The following NAALADL2 variants were observed in gnomAD, a reference collection of about 807,000 sequenced individuals.
NAALADL2 encodes N-acetylated alpha-linked acidic dipeptidase like 2.
A neutral mutation model predicts 87.2 loss-of-function variants in NAALADL2; 76 were observed. The observed-to-expected ratio is 0.87, with a 90% confidence interval of 0.72 to 1.05. The LOEUF is 1.05. NAALADL2 is among the 50% of genes least tolerant of loss of function. The pLI is 0.00. For synonymous variants in NAALADL2, 354 were observed against 331.0 expected (o/e 1.07, Z -0.75); for missense variants, 1,089 against 945.8 (o/e 1.15, Z -1.99).
chr3:174,739,927 A>T (rs1280881512), intron 3 of NAALADL2, among the ~76,000 whole-genome samples: 1 of 152,086 alleles, frequency 6.6e-6, no homozygotes, highest in Non-Finnish European at 1.5e-5. Context: ...AACAATAAAC[A>T]TATAAATGAA....
intron 1 of NAALADL2, among the ~76,000 whole-genome samples, chr3:175,063,837 G>T (rs7623483): frequency 6.6e-6 from 1 of 152,076 alleles, no homozygotes; most frequent in East Asian, 1.9e-4. Flanking sequence ...TTAAAATAAC[G>T]CTTAAAAATT....
At chr3:175,601,555 CA>C (rs555648245) in intron 10 of NAALADL2, among the ~76,000 whole-genome samples, 163 of 152,122 alleles carry the variant, frequency 1.1e-3, no homozygotes, top group African/African-American at 3.8e-3. Flanking sequence ...TGTCAGAATC[CA>C]GCATTTTAGA....
At chr3:174,873,674 C>A (rs1728138525) in intron 1 of NAALADL2, among the ~76,000 whole-genome samples, 1 of 152,050 alleles carries the variant, frequency 6.6e-6, no homozygotes, top group Admixed American at 6.6e-5. Context: ...TTGAATTTTA[C>A]ATTTTGAGTC....
intron 2 of NAALADL2, among the ~76,000 whole-genome samples, chr3:175,132,689 C>T (rs575472859): frequency 6.7e-5 from 9 of 135,128 alleles, no homozygotes; most frequent in Admixed American, 1.4e-4. Flanking sequence ...CCGGACGGGG[C>T]AGCTGGCTGG....
At chr3:174,965,684 G>A (rs974974616) in intron 1 of NAALADL2, among the ~76,000 whole-genome samples, 1 of 152,100 alleles carries the variant, frequency 6.6e-6, no homozygotes, top group Non-Finnish European at 1.5e-5. Context: ...GGTCCTCAAG[G>A]AGGCTTGGTA....
intron 1 of NAALADL2, among the ~76,000 whole-genome samples, chr3:174,935,482 C>T (rs1737556012): frequency 6.6e-6 from 1 of 152,028 alleles, no homozygotes; most frequent in Non-Finnish European, 1.5e-5. Flanking sequence ...ACGTCTTTTG[C>T]CTTATCAGTC....
chr3:175,193,860 GA>G (rs1738579433), intron 2 of NAALADL2, among the ~76,000 whole-genome samples: 1 of 151,878 alleles, frequency 6.6e-6, no homozygotes, highest in South Asian at 2.1e-4. Context: ...ACAAAAGATA[GA>G]AAAAATATGT....
intron 9 of NAALADL2, among the ~76,000 whole-genome samples, chr3:175,529,284 T>C (rs2149440102): frequency 6.6e-6 from 1 of 152,292 alleles, no homozygotes; most frequent in Non-Finnish European, 1.5e-5. Context: ...GCCCAAAGTG[T>C]CCAGATGGCA....
At chr3:174,707,213 C>T (rs2108901499) in intron 2 of NAALADL2, among the ~76,000 whole-genome samples, 1 of 152,264 alleles carries the variant, frequency 6.6e-6, no homozygotes, top group Non-Finnish European at 1.5e-5. Flanking sequence ...TAAACTAGTT[C>T]AACCGTTGTG....
At chr3:175,560,501 C>T (rs6810162) in intron 9 of NAALADL2, among the ~76,000 whole-genome samples, 19,700 of 151,682 alleles carry the variant, frequency 0.13, 1,375 homozygotes, top group Middle Eastern at 0.17. Context: ...ATTATTTCTT[C>T]CCTTCTACTA....
intron 11 of NAALADL2, among the ~76,000 whole-genome samples, chr3:175,725,129 A>G (rs1368734432): frequency 6.6e-6 from 1 of 152,072 alleles, no homozygotes; most frequent in East Asian, 1.9e-4. Flanking sequence ...TACAATTTCT[A>G]AGAGAATTTT....
intron 11 of NAALADL2, among the ~76,000 whole-genome samples, chr3:175,673,288 G>C (rs1734260040): frequency 6.6e-6 from 1 of 152,050 alleles, no homozygotes. Context: ...ATTGGACATT[G>C]CTTTGCCTGC....
In NAALADL2 at chr3:175,164,037, A is replaced by C. The variant is rs942384566; in HGVS notation, c.545+66746A>C. ...CACAGATTTGCACGCTTATGTAGGA[A>C]GTTTAAAAAGTGATTGCATGTCCTA... On this transcript the variant is annotated intron_variant, in intron 2 of 13. Transcript: ENST00000454872. Among the ~76,000 whole-genome samples, 28 of 152,320 alleles carry C rather than the reference A, an allele frequency of 1.8e-4. 1 individual carries two copies. The highest frequency in any genetic ancestry group is 9.2e-4 in the Admixed American group (14 of 15,274).
intron 1 of NAALADL2, among the ~76,000 whole-genome samples, chr3:174,466,307 T>C (rs1162144780): frequency 6.7e-6 from 1 of 149,778 alleles, no homozygotes; most frequent in Non-Finnish European, 1.5e-5. Context: ...TCAGCTATCC[T>C]TGATGCCAGT....
intron 4 of NAALADL2, among the ~76,000 whole-genome samples, chr3:175,322,736 A>C (rs1216548577): frequency 1.3e-5 from 2 of 148,344 alleles, no homozygotes; most frequent in African/African-American, 5.1e-5. Context: ...CACATGAAAA[A>C]ATGCTCATCA....
chr3:175,603,921 G>A (rs1277897834), intron 10 of NAALADL2, among the ~76,000 whole-genome samples: 1 of 152,062 alleles, frequency 6.6e-6, no homozygotes, highest in Non-Finnish European at 1.5e-5. Flanking sequence ...CTGAGCCCAG[G>A]AGGTTGAGGC....
rs961402709 is a variant in NAALADL2, at chr3:175,183,350, C to T, written c.546-50581C>T. ...TATATCTTTCTCTTGCCTAATTGCT[C>T]TGACAAGGACTTCCAGTACTCTAGT... On this transcript the variant is annotated intron_variant, in intron 2 of 13. Transcript: ENST00000454872. Among the ~76,000 whole-genome samples, 8 of 151,986 alleles carry T rather than the reference C, an allele frequency of 5.3e-5. No individual in the cohort carries two copies. The South Asian group carries it at 6.2e-4, about 12-fold the overall frequency.
chr3:175,796,064 A>C (rs1284308738), intron 13 of NAALADL2, among the ~76,000 whole-genome samples: 1 of 109,138 alleles, frequency 9.2e-6, no homozygotes, highest in Non-Finnish European at 1.8e-5. Context: ...GTGGTTTGGC[A>C]GGGAGGGAGG....
chr3:174,702,542 A>G (rs1729656862), intron 2 of NAALADL2, among the ~76,000 whole-genome samples: 1 of 152,172 alleles, frequency 6.6e-6, no homozygotes, highest in South Asian at 2.1e-4. Flanking sequence ...AATATGTCAT[A>G]AGGCAATTTT....
Sources: allele counts gnomAD v4.1 joint callset (sites outside exome capture counted in the v4.1 genomes callset), GRCh38; gene constraint gnomAD v4.1.1; transcripts MANE v1.5; gene names NCBI Gene and HGNC (gene_info 2026-07-23, HGNC 2026-07-21).